Variants in TMTC2 observed in about 807,000 individuals in gnomAD.
TMTC2 encodes protein O-mannosyl-transferase TMTC2.
Under a neutral mutation model 82.4 loss-of-function variants are expected in TMTC2, and 43 were observed. The observed-to-expected ratio is 0.52, with a 90% CI of 0.41 to 0.67. TMTC2 has a LOEUF of 0.67. Among genes scored for constraint, TMTC2 ranks in the 30% least tolerant of loss-of-function variants. The probability of loss-of-function intolerance (pLI) is 0.00; values close to 1 mark genes in which losing one functional copy is unlikely to be tolerated. For missense variants in TMTC2, 919 were observed against 1,012.4 expected (o/e 0.91, Z 1.25); for synonymous variants, 408 against 381.9 (o/e 1.07, Z -0.80).
In TMTC2 at chr12:83,132,423, TAAA is replaced by T. The variant is rs756841728; in HGVS notation, c.*36_*38del. 3 of 1,608,030 alleles carry T rather than the reference TAAA, an allele frequency of 1.9e-6. No homozygotes were observed. The African/African-American group carries it at 4.0e-5, about 22-fold the overall frequency. ...GCAGAAGCCCATCCTCCTCCATTTTTAAAAGCTGGCTTCCTTAGCAGACAGAAC... is the reference window on the plus strand; with the variant it reads ...GCAGAAGCCCATCCTCCTCCATTTTTAGCTGGCTTCCTTAGCAGACAGAAC... On this transcript the variant is annotated 3_prime_UTR_variant, in exon 12 of 12. Transcript: ENST00000321196.
At chr12:82,790,821 C>G (rs1309849457) in intron 1 of TMTC2, among the ~76,000 whole-genome samples, 1 of 144,690 alleles carries the variant, frequency 6.9e-6, no homozygotes, top group Non-Finnish European at 1.5e-5. Context: ...GGGTGAAACT[C>G]TGTCTCAAAA....
At chr12:82,805,057 T>C (rs1328176191) in intron 1 of TMTC2, among the ~76,000 whole-genome samples, 3 of 152,154 alleles carry the variant, frequency 2.0e-5, no homozygotes, top group Non-Finnish European at 4.4e-5. Flanking sequence ...TCCACCCTAC[T>C]GCTGTGTCTG....
intron 1 of TMTC2, among the ~76,000 whole-genome samples, chr12:82,715,035 G>T (rs1036752379): frequency 6.6e-5 from 10 of 152,084 alleles, no homozygotes; most frequent in African/African-American, 2.4e-4. Context: ...ACTTTAGGAG[G>T]CCAAGGCGGG....
At chr12:82,850,365 T>C (rs1325209973) in intron 1 of TMTC2, among the ~76,000 whole-genome samples, 2 of 152,164 alleles carry the variant, frequency 1.3e-5, no homozygotes, top group African/African-American at 4.8e-5. Context: ...CTGGATTCCA[T>C]TAATCTTTCT....
chr12:82,990,713 A>G (rs1202704496), intron 8 of TMTC2, among the ~76,000 whole-genome samples: 1 of 151,874 alleles, frequency 6.6e-6, no homozygotes, highest in East Asian at 1.9e-4. Flanking sequence ...AGTACCTGCC[A>G]TTTCAATGTA....
chr12:82,760,855 T>C, intron 1 of TMTC2: 1 of 411,694 alleles, frequency 2.4e-6, no homozygotes, highest in Non-Finnish European at 4.9e-6. Context: ...TCTGTCATTG[T>C]CTCCCCTCAC....
intron 11 of TMTC2, among the ~76,000 whole-genome samples, chr12:83,077,745 T>G (rs1883331721): frequency 6.6e-6 from 1 of 152,190 alleles, no homozygotes; most frequent in African/African-American, 2.4e-5. Flanking sequence ...CAGCTAATTT[T>G]TGTATTTTTA....
chr12:82,722,643 G>A (rs1233037288), intron 1 of TMTC2, among the ~76,000 whole-genome samples: 1 of 151,486 alleles, frequency 6.6e-6, no homozygotes, highest in East Asian at 1.9e-4. Flanking sequence ...TCGGGAGGCT[G>A]AGAAAGGAGA....
At chr12:83,086,627 T>G (rs190475446) in intron 11 of TMTC2, among the ~76,000 whole-genome samples, 2 of 152,252 alleles carry the variant, frequency 1.3e-5, no homozygotes, top group Non-Finnish European at 1.5e-5. Flanking sequence ...AGAGCAAATA[T>G]CACAACAGAG....
intron 1 of TMTC2, among the ~76,000 whole-genome samples, chr12:82,729,119 A>G (rs576393964): frequency 6.6e-6 from 1 of 152,374 alleles, no homozygotes; most frequent in Non-Finnish European, 1.5e-5. Context: ...CGCAAGGCCC[A>G]GGACTGGCAG....
intron 11 of TMTC2, among the ~76,000 whole-genome samples, chr12:83,121,715 C>T (rs1884953260): frequency 6.6e-6 from 1 of 151,972 alleles, no homozygotes; most frequent in Non-Finnish European, 1.5e-5. Flanking sequence ...CCCTAGAACT[C>T]TTAAGAGTAT....
intron 8 of TMTC2, among the ~76,000 whole-genome samples, chr12:83,010,794 G>A (rs748476637): frequency 2.6e-5 from 4 of 151,246 alleles, no homozygotes; most frequent in Non-Finnish European, 5.9e-5. Flanking sequence ...GGCATAATGT[G>A]TATTGTATGT....
intron 2 of TMTC2, among the ~76,000 whole-genome samples, chr12:82,882,061 G>A (rs1177901968): frequency 1.4e-5 from 2 of 143,276 alleles, no homozygotes; most frequent in Non-Finnish European, 3.0e-5. Context: ...GTGCAGTGGC[G>A]GGATCTCGGC....
intron 7 of TMTC2, among the ~76,000 whole-genome samples, chr12:82,980,317 A>G (rs1402018777): frequency 6.6e-6 from 1 of 151,878 alleles, no homozygotes; most frequent in South Asian, 2.1e-4. Flanking sequence ...AAAAATGACC[A>G]GCACATAAAA....
chr12:82,831,673 G>A (rs1869757558), intron 1 of TMTC2, among the ~76,000 whole-genome samples: 1 of 151,932 alleles, frequency 6.6e-6, no homozygotes, highest in Non-Finnish European at 1.5e-5. Context: ...CAGATTATTG[G>A]TGGTGGTGGT....
chr12:82,773,459 T>G (rs1024941327), intron 1 of TMTC2, among the ~76,000 whole-genome samples: 14 of 144,562 alleles, frequency 9.7e-5, no homozygotes, highest in African/African-American at 3.7e-4. Context: ...AGAAGTGATA[T>G]TTCTTTTTTT....
At chr12:82,935,842 T>A (rs1876287237) in intron 4 of TMTC2, among the ~76,000 whole-genome samples, 1 of 152,054 alleles carries the variant, frequency 6.6e-6, no homozygotes, top group African/African-American at 2.4e-5. Context: ...GTTGTAAGAA[T>A]CTTAGTAAAT....
At chr12:82,774,180 T>C (rs571935063) in intron 1 of TMTC2, among the ~76,000 whole-genome samples, 23 of 152,276 alleles carry the variant, frequency 1.5e-4, no homozygotes, top group African/African-American at 5.5e-4. Context: ...TACGCACATA[T>C]ATACACACAT....
chr12:82,739,078 G>A (rs1875262702), intron 1 of TMTC2, among the ~76,000 whole-genome samples: 2 of 151,628 alleles, frequency 1.3e-5, no homozygotes, highest in African/African-American at 4.9e-5. Flanking sequence ...AACGTGGGAG[G>A]TAGAGGTTGC....
Sources: allele counts gnomAD v4.1 joint callset (sites outside exome capture counted in the v4.1 genomes callset), GRCh38; gene constraint gnomAD v4.1.1; transcripts MANE v1.5; gene names NCBI Gene and HGNC (gene_info 2026-07-23, HGNC 2026-07-21).